The following CNTNAP2 variants were observed in gnomAD, a reference collection of about 807,000 sequenced individuals.
CNTNAP2 encodes the protein contactin-associated protein-like 2.
CNTNAP2 carries 98 observed loss-of-function variants against 155.2 expected under a neutral mutation model. The ratio of observed to expected loss-of-function variants is 0.63; its 90% CI spans 0.54 to 0.75. The LOEUF (loss-of-function observed/expected upper bound fraction) is 0.75. CNTNAP2 is among the 30% of genes least tolerant of loss of function. The pLI, the probability that CNTNAP2 is intolerant of heterozygous loss-of-function variation, is 0.00. For missense variants in CNTNAP2, 1,727 were observed against 1,688.1 expected (o/e 1.02, Z -0.40); for synonymous variants, 651 against 631.2 (o/e 1.03, Z -0.47).
At chr7:146,167,758 G>A (rs974595074) in intron 1 of CNTNAP2, among the ~76,000 whole-genome samples, 2 of 152,160 alleles carry the variant, frequency 1.3e-5, no homozygotes, top group Admixed American at 6.6e-5. Flanking sequence ...TAATAGTATA[G>A]ATGTATATAT....
In CNTNAP2 at chr7:146,603,609, T is replaced by C. The variant is rs890320193; in HGVS notation, c.98-170662T>C. Among the ~76,000 whole-genome samples the C allele has an allele frequency of 9.3e-5, 14 of 150,766 alleles. No individual in the cohort carries two copies. In the South Asian group the frequency reaches 2.3e-3, roughly 25 times the overall value. On this transcript the variant is annotated intron_variant, in intron 1 of 23. Transcript: ENST00000361727. ...TATGGAACCAAAAAAGAGCCCGCAT[T>C]GCCAAGTCAACCCTAAGCCAAAAGA... is the stretch of plus-strand genomic sequence containing the variant.
At chr7:147,143,089 A>G (rs1202016967) in intron 8 of CNTNAP2, among the ~76,000 whole-genome samples, 3 of 152,160 alleles carry the variant, frequency 2.0e-5, no homozygotes, top group Non-Finnish European at 4.4e-5. Context: ...CTGTACTCCT[A>G]ACGCCACTCA....
At chr7:148,234,460 C>T (rs2116787359) in intron 20 of CNTNAP2, among the ~76,000 whole-genome samples, 1 of 152,308 alleles carries the variant, frequency 6.6e-6, no homozygotes, top group East Asian at 1.9e-4. Flanking sequence ...ACATTTTGCC[C>T]TATTTCTTCA....
chr7:147,104,583 G>A (rs958248612), intron 4 of CNTNAP2, among the ~76,000 whole-genome samples: 1 of 151,278 alleles, frequency 6.6e-6, no homozygotes, highest in Non-Finnish European at 1.5e-5. Flanking sequence ...ATTTGATGGG[G>A]AAACGGTATT....
chr7:147,630,793 C>G lies in CNTNAP2; in HGVS notation c.1898-8313C>G, dbSNP rs189236357. ...AGCATCCCTTTACGAATAAAACCTT[C>G]TGCAAAATTGGCATAGAAGGGATGT... is the stretch of plus-strand genomic sequence containing the variant. On this transcript the variant is annotated intron_variant, in intron 12 of 23. Coordinates refer to ENST00000361727, the MANE Select transcript of CNTNAP2 (RefSeq NM_014141.6). 2.3e-3 allele frequency among the ~76,000 whole-genome samples: 345 copies of G among 152,246 alleles called. 2 individuals carry two copies. Among genetic ancestry groups the G allele is most frequent in the African/African-American group, 8.0e-3 (331 of 41,562 alleles).
chr7:148,164,611 CTTTTTTTTTTTT>C (rs1175888434), intron 17 of CNTNAP2, among the ~76,000 whole-genome samples: 3 of 93,566 alleles, frequency 3.2e-5, no homozygotes, highest in South Asian at 7.8e-4. Flanking sequence ...TTTTCTCTCT[CTTTTTTTTTTTT>C]TTTTTTTTTT....
chr7:146,931,503 A>C (rs1796757104), intron 3 of CNTNAP2, among the ~76,000 whole-genome samples: 1 of 150,310 alleles, frequency 6.7e-6, no homozygotes. Flanking sequence ...CAAAACTGAC[A>C]CCCTAACATC....
chr7:148,279,456 T>C (rs531111863), intron 21 of CNTNAP2, among the ~76,000 whole-genome samples: 5 of 152,344 alleles, frequency 3.3e-5, no homozygotes, highest in African/African-American at 9.6e-5. Context: ...CCTGAATAGC[T>C]GGCCCAGTGG....
At chr7:147,223,382 G>A (rs1563122685) in intron 8 of CNTNAP2, among the ~76,000 whole-genome samples, 1 of 152,130 alleles carries the variant, frequency 6.6e-6, no homozygotes, top group Non-Finnish European at 1.5e-5. Context: ...CAGAAGCCTA[G>A]GACTCATGAC....
chr7:146,750,584 G>A (rs1290051557), intron 1 of CNTNAP2, among the ~76,000 whole-genome samples: 1 of 152,086 alleles, frequency 6.6e-6, no homozygotes, highest in Non-Finnish European at 1.5e-5. Context: ...GGTTGCTATT[G>A]CCTACCTAGA....
intron 7 of CNTNAP2, 150 bp from the exon 8 acceptor site, chr7:147,132,095 C>A: frequency 1.0e-6 from 1 of 982,718 alleles, no homozygotes; most frequent in Non-Finnish European, 1.6e-6. Flanking sequence ...TGCATCCAGT[C>A]ACTGAATCCA....
chr7:146,971,175 TGG>T (rs1179521291), intron 3 of CNTNAP2, among the ~76,000 whole-genome samples: 2 of 151,874 alleles, frequency 1.3e-5, no homozygotes, highest in East Asian at 3.9e-4. Context: ...ACCTGCACAT[TGG>T]TCACATGTAC....
At chr7:146,627,912 C>G (rs1205462847) in intron 1 of CNTNAP2, among the ~76,000 whole-genome samples, 1 of 151,964 alleles carries the variant, frequency 6.6e-6, no homozygotes, top group Non-Finnish European at 1.5e-5. Flanking sequence ...AGCTTCAATT[C>G]CTCAGTTTTG....
At chr7:147,213,850 T>A (rs575689119) in intron 8 of CNTNAP2, among the ~76,000 whole-genome samples, 3 of 152,146 alleles carry the variant, frequency 2.0e-5, no homozygotes, top group African/African-American at 7.2e-5. Context: ...CTGGTGTAAA[T>A]CCTGGAGTGT....
intron 15 of CNTNAP2, among the ~76,000 whole-genome samples, chr7:148,004,907 T>A (rs1202682432): frequency 6.6e-6 from 1 of 152,210 alleles, no homozygotes; most frequent in African/African-American, 2.4e-5. Context: ...GTTAATCCAG[T>A]TAGCTTATGA....
chr7:147,775,419 A>AAATATATATATTTATATATATATT (rs1797570121), intron 13 of CNTNAP2, among the ~76,000 whole-genome samples: 1 of 120,912 alleles, frequency 8.3e-6, no homozygotes, highest in Non-Finnish European at 1.7e-5. Context: ...ATATATTTAT[A>AAATATATATATTTATATATATATT]TATATATATC....
At chr7:147,262,760 C>T (rs1407836037) in intron 8 of CNTNAP2, among the ~76,000 whole-genome samples, 1 of 152,078 alleles carries the variant, frequency 6.6e-6, no homozygotes, top group Non-Finnish European at 1.5e-5. Context: ...GAGCCGAGAT[C>T]GCGCCACTGC....
At chr7:148,372,603 G>A (rs886551027) in intron 21 of CNTNAP2, among the ~76,000 whole-genome samples, 1 of 152,124 alleles carries the variant, frequency 6.6e-6, no homozygotes, top group Middle Eastern at 3.2e-3. Context: ...AGCTACTCGG[G>A]AGGCTGAGGC....
chr7:147,677,235 A>T (rs928215113), intron 13 of CNTNAP2, among the ~76,000 whole-genome samples: 1 of 151,592 alleles, frequency 6.6e-6, no homozygotes, highest in African/African-American at 2.4e-5. Flanking sequence ...TTGTAGTTTT[A>T]ATTTGTCTTT....
Sources: allele counts gnomAD v4.1 joint callset (sites outside exome capture counted in the v4.1 genomes callset), GRCh38; gene constraint gnomAD v4.1.1; transcripts MANE v1.5; gene names NCBI Gene and HGNC (gene_info 2026-07-23, HGNC 2026-07-21).